Variants in ULK1 observed in about 807,000 individuals in gnomAD.
ULK1 encodes unc-51 like autophagy activating kinase 1.
ULK1 carries 48 observed loss-of-function variants against 117.5 expected under a neutral mutation model. The ratio of observed to expected loss-of-function variants is 0.41; its 90% CI spans 0.32 to 0.52. The LOEUF is 0.52. Ranked by LOEUF, ULK1 falls within the 20% of genes least tolerant of loss-of-function variation. ULK1 has a pLI of 0.29. For synonymous variants in ULK1, 790 were observed against 637.8 expected, an observed-to-expected ratio of 1.24 and a Z score of -3.60; for missense variants, 1,387 against 1,473.4, an observed-to-expected ratio of 0.94 and a Z score of 0.96.
In ULK1 at chr12:131,916,123, A is replaced by C. The variant is rs1376870252; in HGVS notation, c.1842A>C (p.Arg614=). The C allele has an allele frequency of 6.2e-7, 1 of 1,612,162 alleles. No homozygotes were observed. Among genetic ancestry groups the C allele is most frequent in the Non-Finnish European group, 8.5e-7 (1 of 1,179,774 alleles). Residue 614 remains arginine, a synonymous_variant, in exon 19 of 28, where the codon CGA becomes CGC. Transcript: ENST00000321867. ...GSPKLPDFLQ[R]NPLPPILGSP... ...CCAAGCTGCCCGACTTCCTGCAGCGAAACCCCCTGCCCCCCATCCTGGGCT... is the reference window on the plus strand; with the variant it reads ...CCAAGCTGCCCGACTTCCTGCAGCGCAACCCCCTGCCCCCCATCCTGGGCT...
Position 131,907,504 on chromosome 12 carries a change from G to T in ULK1, c.289G>T (p.Gly97Cys), listed in dbSNP as rs772720707. ...GTCTGGTCTCTTGCAGTACTGCAAC[G>T]GTGGGGACCTGGCCGACTACCTGCA... ...SVYLVMEYCN[G>C]GDLADYLHAM... Residue 97 changes from glycine (G) to cysteine (C), a missense_variant, in exon 5 of 28, where the codon GGT becomes TGT. This residue lies in a region of ULK1 where 224 missense variants were observed against 325.2 expected (regional missense o/e 0.69). Coordinates refer to ENST00000321867, the MANE Select transcript of ULK1 (RefSeq NM_003565.4). The T allele has an allele frequency of 2.5e-6, 4 of 1,612,596 alleles. No homozygotes were observed. Among genetic ancestry groups the T allele is most frequent in the African/African-American group, 2.7e-5 (2 of 74,912 alleles).
In ULK1 at chr12:131,909,808, G is replaced by A. The variant is rs532784108; in HGVS notation, c.700G>A (p.Glu234Lys). The A allele has an allele frequency of 6.2e-7, 1 of 1,611,266 alleles. No individual in the cohort carries two copies. The highest frequency in any genetic ancestry group is 1.1e-5 in the South Asian group (1 of 90,860). Reference sequence around the variant, plus strand: ...CCCCCAGGACCTGCGCCTGTTCTACGAGAAGAACAAGACGTTGGTCCCCAC... The same window carrying A: ...CCCCCAGGACCTGCGCCTGTTCTACAAGAAGAACAAGACGTTGGTCCCCAC... The part of the protein sequence containing the change: ...SSPQDLRLFY[E>K]KNKTLVPTIP... The change falls in exon 9 of 28, where the codon GAG becomes AAG. Residue 234 changes from glutamate (E) to lysine (K), a missense_variant. Glu to Lys is a moderately conservative substitution (Grantham distance 56). Around this residue, in one of 4 missense-constraint regions of ULK1, gnomAD observed 260 missense variants for 271.6 expected, o/e 0.96. Coordinates refer to ENST00000321867, the MANE Select transcript of ULK1 (RefSeq NM_003565.4).
Position 131,908,699 on chromosome 12 carries a change from C to T in ULK1, c.372C>T (p.Gly124=), listed in dbSNP as rs1191139004. 6 of 1,599,346 alleles carry T rather than the reference C, an allele frequency of 3.8e-6. No individual in the cohort carries two copies. Among genetic ancestry groups the T allele is most frequent in the African/African-American group, 2.7e-5 (2 of 74,442 alleles). Residue 124 remains glycine (G), a synonymous_variant, in exon 6 of 28, where the codon GGC becomes GGT. Coordinates refer to ENST00000321867, the MANE Select transcript of ULK1 (RefSeq NM_003565.4). ...GGCTCTTCCTGCAGCAGATCGCGGG[C>T]GCCATGCGGCTTCTGCACAGCAAAG... ...TIRLFLQQIA[G]AMRLLHSKGI... is the part of the protein sequence containing the mutation.
intron 20 of ULK1, 120 bp from the exon 21 acceptor site, chr12:131,916,833 C>T: frequency 1.9e-6 from 2 of 1,034,608 alleles, no homozygotes; most frequent in East Asian, 2.7e-5. Context: ...GGAGCGCCTG[C>T]CTCTCGAGGT....
intron 8 of ULK1, 81 bp from the exon 9 acceptor site, chr12:131,909,694 T>G: frequency 7.2e-7 from 1 of 1,395,892 alleles, no homozygotes; most frequent in Non-Finnish European, 9.5e-7. Flanking sequence ...AGGGGCCGAC[T>G]GGGGACGAAC....
rs2136390945 is a variant in ULK1, at chr12:131,908,636, C to G, written c.317-8C>G. 1 of 1,496,296 alleles carries G rather than the reference C, an allele frequency of 6.7e-7. No individual in the cohort carries two copies. Among genetic ancestry groups the G allele is most frequent in the Non-Finnish European group, 8.9e-7 (1 of 1,128,894 alleles). The allele number at this position is 1,496,296 out of a possible 1,614,324, so 92.7% of individuals were successfully genotyped here. On this transcript the variant is annotated splice_polypyrimidine_tract_variant and splice_region_variant and intron_variant, in intron 5 of 27. Coordinates refer to ENST00000321867, the MANE Select transcript of ULK1 (RefSeq NM_003565.4). The stretch of plus-strand genomic sequence containing the variant: ...GGCCCCCAGGCCCTGAGCCGCCTCT[C>G]CCCGCAGCCATGCGCACGCTGAGCG...
chr12:131,910,348 C>T (rs1250423958), intron 11 of ULK1, 44 bp downstream of exon 11: 2 of 1,611,086 alleles, frequency 1.2e-6, no homozygotes, highest in Non-Finnish European at 1.7e-6. Context: ...GCCCTGCATG[C>T]ACCCCTTCCT....
At chr12:131,907,554 TGGGCTGCCAGCC>T (rs774170396) in intron 5 of ULK1, 23 bp downstream of exon 5, 103 of 1,605,388 alleles carry the variant, frequency 6.4e-5, no homozygotes, top group Admixed American at 4.0e-4. Flanking sequence ...CTGCGCCACC[TGGGCTGCCAGCC>T]GGTCCCACAG....
chr12:131,894,717 G>T lies in ULK1; in HGVS notation c.-285G>T. ...CGAGCCCGGGCCCTAGTTGGAGCCG[G>T]AGTCGGAGTCGGAGTCGGATCCGGA... On this transcript the variant is annotated 5_prime_UTR_variant, in exon 1 of 28. Transcript: ENST00000321867. 1 of 151,434 alleles carries T rather than the reference G, an allele frequency of 6.6e-6. No individual in the cohort carries two copies. The highest frequency in any genetic ancestry group is 1.5e-5 in the Non-Finnish European group (1 of 67,798). 9.4% of individuals were successfully genotyped at this position (151,434 alleles called of 1,614,324 possible). A position where few individuals can be genotyped will look rare whatever the true frequency, so the allele number is the denominator to read the frequency against.
chr12:131,911,805 A>G (rs1889549121), intron 12 of ULK1, 137 bp from the exon 13 acceptor site: 1 of 1,234,874 alleles, frequency 8.1e-7, no homozygotes, highest in Admixed American at 2.3e-5. Flanking sequence ...GCACAGGAAG[A>G]AAGACGTGCC....
Position 131,921,617 on chromosome 12 carries a change from CTGG to C in ULK1, c.*257_*259del. ...ACAGAATTTCTGCCCCTCCAGCTGC[CTGG>C]CTCAGCAGGCGTGGGTGCCACCACC... On this transcript the variant is annotated 3_prime_UTR_variant, in exon 28 of 28. Coordinates refer to ENST00000321867, the MANE Select transcript of ULK1 (RefSeq NM_003565.4). 2 of 633,872 alleles carry C rather than the reference CTGG, an allele frequency of 3.2e-6. No individual in the cohort carries two copies. Among genetic ancestry groups the C allele is most frequent in the East Asian group, 5.5e-5 (2 of 36,394 alleles). The allele number at this position is 633,872 out of a possible 1,614,324, so 39.3% of individuals were successfully genotyped here. A position where few individuals can be genotyped will look rare whatever the true frequency, so the allele number is the denominator to read the frequency against.
chr12:131,920,856 G>A, intron 26 of ULK1: 1 of 533,038 alleles, frequency 1.9e-6, no homozygotes, highest in Non-Finnish European at 3.3e-6. Flanking sequence ...TGAGCGGCGG[G>A]CACTCTGTTG....
intron 3 of ULK1, among the ~76,000 whole-genome samples, chr12:131,904,869 C>G (rs1323352306): frequency 1.3e-5 from 2 of 152,196 alleles, no homozygotes; most frequent in Non-Finnish European, 2.9e-5. Context: ...ATTTCTGAGT[C>G]TAGCTTCATC....
chr12:131,914,572 A>G, intron 16 of ULK1, 95 bp downstream of exon 16: 1 of 1,488,770 alleles, frequency 6.7e-7, no homozygotes, highest in Non-Finnish European at 9.0e-7. Context: ...GTCGTCATCC[A>G]TGTGCAGTTG....
chr12:131,919,443 G>A, intron 24 of ULK1, 29 bp from the exon 25 acceptor site: 1 of 1,598,302 alleles, frequency 6.3e-7, no homozygotes. Context: ...GGACCAACCG[G>A]CCTCCTCTGA....
At chr12:131,918,371 G>A (rs913675402) in intron 22 of ULK1, 126 bp from the exon 23 acceptor site, 5 of 1,158,158 alleles carry the variant, frequency 4.3e-6, no homozygotes, top group African/African-American at 3.1e-5. Context: ...GGAGCATTGG[G>A]ATATAACAGG....
At chr12:131,900,903 G>A (rs534961592) in intron 3 of ULK1, among the ~76,000 whole-genome samples, 2 of 152,334 alleles carry the variant, frequency 1.3e-5, no homozygotes, top group African/African-American at 4.8e-5. Context: ...CCGGGGGGCT[G>A]TCTGCAGTGT....
At chr12:131,899,181 C>G (rs1888993224) in intron 3 of ULK1, among the ~76,000 whole-genome samples, 1 of 149,614 alleles carries the variant, frequency 6.7e-6, no homozygotes, top group Non-Finnish European at 1.5e-5. Flanking sequence ...TGATATATTT[C>G]TATATTTTAT....
intron 23 of ULK1, 54 bp from the exon 24 acceptor site, chr12:131,919,158 A>G (rs1267167416): frequency 3.2e-6 from 5 of 1,539,254 alleles, no homozygotes; most frequent in African/African-American, 1.4e-5. Context: ...GAAGGGAGAC[A>G]AGCCCCTTCC....
Sources: allele counts gnomAD v4.1 joint callset (sites outside exome capture counted in the v4.1 genomes callset), GRCh38; gene constraint gnomAD v4.1.1; regional missense constraint gnomAD v4.1.1; transcripts MANE v1.5; gene names NCBI Gene and HGNC (gene_info 2026-07-23, HGNC 2026-07-21).